The following SAP130 variants were observed in gnomAD, a reference collection of about 807,000 sequenced individuals.
The protein encoded by SAP130 is histone deacetylase complex subunit SAP130.
A neutral mutation model predicts 103.2 loss-of-function variants in SAP130; 16 were observed. The ratio of observed to expected loss-of-function variants is 0.16; its 90% confidence interval spans 0.10 to 0.24. SAP130 has a LOEUF of 0.24. Ranked by LOEUF, SAP130 falls within the 10% of genes least tolerant of loss-of-function variation. The probability of loss-of-function intolerance (pLI) is 1.00; values close to 1 mark genes in which losing one functional copy is unlikely to be tolerated. For missense variants in SAP130, 990 were observed against 1,359.7 expected (o/e 0.73, Z 4.28); for synonymous variants, 477 against 497.0 (o/e 0.96, Z 0.53).
intron 15 of SAP130, among the ~76,000 whole-genome samples, chr2:127,974,133 C>T (rs1443721585): frequency 6.6e-6 from 1 of 152,202 alleles, no homozygotes; most frequent in African/African-American, 2.4e-5. Flanking sequence ...CAGCTCTCAC[C>T]TGGTCTTCCT....
chr2:127,990,261 C>T lies in SAP130; in HGVS notation c.1478-395G>A, dbSNP rs541069353. On this transcript the variant is annotated intron_variant, in intron 12 of 20. Transcript: ENST00000643581. ...CACTATCACAGGTGGTTTTGAAATA[C>T]AGTAGTTATGAATTTCAAATGGCAT... Among the ~76,000 whole-genome samples the T allele has an allele frequency of 1.5e-3, 221 of 151,710 alleles. 1 individual carries two copies. The highest frequency in any genetic ancestry group is 5.2e-3 in the African/African-American group (215 of 41,348).
At chr2:127,992,893 T>C (rs1005744949) in intron 12 of SAP130, among the ~76,000 whole-genome samples, 8 of 152,204 alleles carry the variant, frequency 5.3e-5, no homozygotes, top group Admixed American at 1.3e-4. Context: ...ATGGAAACCC[T>C]ATAAAAGTGC....
intron 7 of SAP130, among the ~76,000 whole-genome samples, chr2:128,003,177 T>G (rs778343402): frequency 1.3e-5 from 2 of 151,230 alleles, no homozygotes; most frequent in African/African-American, 4.9e-5. Context: ...CTAGCCCAAT[T>G]TGGGGCACTG....
At chr2:127,960,012 T>C (rs983254689) in intron 15 of SAP130, among the ~76,000 whole-genome samples, 2 of 152,182 alleles carry the variant, frequency 1.3e-5, no homozygotes, top group African/African-American at 4.8e-5. Context: ...CTCCTCAGCC[T>C]CCTGAGTAGC....
chr2:127,988,653 C>T (rs373281870), intron 13 of SAP130, among the ~76,000 whole-genome samples: 2 of 151,808 alleles, frequency 1.3e-5, no homozygotes, highest in African/African-American at 4.8e-5. Flanking sequence ...AGTTTGAGAC[C>T]AGCCTGGGCA....
intron 15 of SAP130, among the ~76,000 whole-genome samples, chr2:127,972,068 CTT>C (rs1227544105): frequency 1.3e-5 from 2 of 152,148 alleles, no homozygotes; most frequent in African/African-American, 4.8e-5. Flanking sequence ...CAAATGCTCT[CTT>C]CTTTCAGGTG....
chr2:128,023,016 C>T lies in SAP130; in HGVS notation c.112+3165G>A, dbSNP rs191615173. On this transcript the variant is annotated intron_variant, in intron 2 of 20. Coordinates refer to ENST00000643581, the MANE Select transcript of SAP130 (RefSeq NM_001330301.2). ...GGCTAATTTTTTTTTTTTTTTGAGA[C>T]GGAATCTTGCTTTGTTGCCCAGGCT... Among the ~76,000 whole-genome samples the T allele has an allele frequency of 3.6e-4, 53 of 148,622 alleles. No individual in the cohort carries two copies. The East Asian group carries it at 6.9e-3, about 19-fold the overall frequency.
chr2:127,957,370 T>C (rs942623386), intron 15 of SAP130, among the ~76,000 whole-genome samples: 4 of 152,198 alleles, frequency 2.6e-5, no homozygotes, highest in African/African-American at 7.2e-5. Flanking sequence ...AACTGTATAT[T>C]TGAATAGGCA....
rs1683432392 is a variant in SAP130, at chr2:127,999,903, A to G, written c.1109-58T>C. 3 of 1,450,474 alleles carry G rather than the reference A, an allele frequency of 2.1e-6. No homozygotes were observed. The Admixed American group carries it at 6.1e-5, about 30-fold the overall frequency. 89.9% of individuals were successfully genotyped at this position (1,450,474 alleles called of 1,614,324 possible). A position where few individuals can be genotyped will look rare whatever the true frequency, so the allele number is the denominator to read the frequency against. On this transcript the variant is annotated intron_variant, in intron 9 of 20. Coordinates refer to ENST00000643581, the MANE Select transcript of SAP130 (RefSeq NM_001330301.2). The stretch of plus-strand genomic sequence containing the variant: ...AAGAACTTCTCTGCACACGTTACAG[A>G]TTCTCAAAAACCTGGGAAATCTCCT...
At chr2:127,987,187 T>C (rs1007098198) in intron 13 of SAP130, among the ~76,000 whole-genome samples, 6 of 152,214 alleles carry the variant, frequency 3.9e-5, no homozygotes, top group African/African-American at 1.4e-4. Flanking sequence ...CCATTATTTT[T>C]TCTTTTTCTT....
intron 7 of SAP130, 127 bp from the exon 8 acceptor site, chr2:128,000,581 T>A: frequency 1.9e-6 from 2 of 1,030,706 alleles, no homozygotes; most frequent in Non-Finnish European, 2.8e-6. Flanking sequence ...ACTTGGTCTT[T>A]AATCACACCA....
At chr2:127,954,250 A>T (rs1310905117) in intron 16 of SAP130, among the ~76,000 whole-genome samples, 1 of 152,196 alleles carries the variant, frequency 6.6e-6, no homozygotes, top group African/African-American at 2.4e-5. Flanking sequence ...AAAACTACAG[A>T]CACAGCACAA....
intron 15 of SAP130, among the ~76,000 whole-genome samples, chr2:127,972,756 T>C (rs959599471): frequency 6.7e-6 from 1 of 150,104 alleles, no homozygotes; most frequent in African/African-American, 2.5e-5. Context: ...AGATTCTGTC[T>C]AAAAAAAAAG....
At position 127,955,047 on chromosome 2, in the gene SAP130, G is replaced by C; in HGVS notation, c.2361C>G (p.Pro787=). 2 of 1,613,986 alleles carry C rather than the reference G, an allele frequency of 1.2e-6. No individual in the cohort carries two copies. The highest frequency in any genetic ancestry group is 1.7e-6 in the Non-Finnish European group (2 of 1,179,930). ...GGSLSSVLGP[P]VPEIKVKEEV... ...CTTCTTTCACTTTAATTTCAGGAAC[G>C]GGAGGGCCCAAGACGGAGGAAAGAC... is the stretch of plus-strand genomic sequence containing the variant. The change falls in exon 16 of 21, where the codon CCC becomes CCG. Residue 787 remains proline (P), a synonymous_variant. Coordinates refer to ENST00000643581, the MANE Select transcript of SAP130 (RefSeq NM_001330301.2). This position sits in a 1 kb window ranked among gnomAD's most constrained non-coding sequence, Gnocchi z 4.9.
At chr2:127,944,901 CAAAAAAAAAAAA>C (rs1188253573) in intron 19 of SAP130, among the ~76,000 whole-genome samples, 2 of 77,542 alleles carry the variant, frequency 2.6e-5, no homozygotes, top group East Asian at 3.9e-4. Context: ...GACCTTGTCT[CAAAAAAAAAAAA>C]AAAAAAAAAA....
intron 11 of SAP130, 72 bp from the exon 12 acceptor site, chr2:127,993,380 A>G: frequency 3.4e-6 from 5 of 1,482,790 alleles, no homozygotes; most frequent in Non-Finnish European, 4.5e-6. Context: ...CCTATACCCC[A>G]GTTCCTCTTT....
intron 2 of SAP130, among the ~76,000 whole-genome samples, chr2:128,019,867 A>G (rs1033492871): frequency 8.5e-5 from 13 of 152,254 alleles, no homozygotes; most frequent in African/African-American, 3.1e-4. Context: ...GGACAAGAGC[A>G]AAACTCTGTG....
intron 15 of SAP130, among the ~76,000 whole-genome samples, chr2:127,964,494 C>CAAAAAAA (rs55755397): frequency 2.9e-5 from 2 of 69,902 alleles, no homozygotes; most frequent in African/African-American, 1.2e-4. Flanking sequence ...AACTCCATCT[C>CAAAAAAA]AAAAAAAAAA....
At chr2:128,005,715 T>C (rs1425056418) in intron 7 of SAP130, among the ~76,000 whole-genome samples, 1 of 151,884 alleles carries the variant, frequency 6.6e-6, no homozygotes, top group African/African-American at 2.4e-5. Context: ...GGCGCGATCT[T>C]GGCTCACTGC....
Sources: gnomAD v4.1 joint callset for allele counts (sites outside exome capture counted in the v4.1 genomes callset) on GRCh38, gnomAD v4.1.1 for gene constraint, Gnocchi (gnomAD v3.1) non-coding constraint, MANE v1.5 for transcripts, NCBI Gene and HGNC (gene_info 2026-07-23, HGNC 2026-07-21) for gene names.